The following ROCK1 variants were observed in gnomAD, a reference collection of about 807,000 sequenced individuals.
ROCK1 encodes rho-associated protein kinase 1.
A neutral mutation model predicts 196.8 loss-of-function variants in ROCK1; 36 were observed. The ratio of observed to expected loss-of-function variants is 0.18; its 90% CI spans 0.14 to 0.24. ROCK1 has a LOEUF of 0.24. ROCK1 is among the 10% of genes least tolerant of loss of function. The probability of loss-of-function intolerance (pLI) is 1.00; values close to 1 mark genes in which losing one functional copy is unlikely to be tolerated. For synonymous variants in ROCK1, 443 were observed against 515.9 expected (o/e 0.86, Z 1.91); for missense variants, 920 against 1,562.0 (o/e 0.59, Z 6.93).
At chr18:21,097,112 CCAGTAGAGCG>C (rs1350189260) in intron 1 of ROCK1, among the ~76,000 whole-genome samples, 1 of 152,038 alleles carries the variant, frequency 6.6e-6, no homozygotes, top group Non-Finnish European at 1.5e-5. Context: ...GCAAGAAAAT[CCAGTAGAGCG>C]CAGTCTATTT....
chr18:21,088,494 T>C (rs1394409890), intron 1 of ROCK1, among the ~76,000 whole-genome samples: 1 of 152,214 alleles, frequency 6.6e-6, no homozygotes, highest in Admixed American at 6.5e-5. Flanking sequence ...AGTGAGACCC[T>C]GTCTTAAAAT....
rs117706816 is a variant in ROCK1 at position 20,997,142 on chromosome 18, G to A, written c.1886-4205C>T. ...TGCAGATGAACTAAACTGCCCAATC[G>A]AAAGACATGGAGTGGCTGAATGGAC... On this transcript the variant is annotated intron_variant, in intron 16 of 32. Coordinates refer to ENST00000399799, the MANE Select transcript of ROCK1 (RefSeq NM_005406.3). 4.8e-4 allele frequency among the ~76,000 whole-genome samples: 73 copies of A among 152,020 alleles called. No individual in the cohort carries two copies. In the East Asian group the frequency reaches 0.013, roughly 27 times the overall value.
chr18:21,092,309 G>A (rs994857988), intron 1 of ROCK1, among the ~76,000 whole-genome samples: 8 of 151,796 alleles, frequency 5.3e-5, no homozygotes, highest in African/African-American at 7.3e-5. Context: ...AAACAAAACC[G>A]GCCAGGCACT....
intron 29 of ROCK1, among the ~76,000 whole-genome samples, chr18:20,959,086 T>TATATAATATATATATAATATTATATATA (rs1568367368): frequency 2.0e-4 from 6 of 29,804 alleles, no homozygotes; most frequent in African/African-American, 1.5e-3. Context: ...ATATATATAT[T>TATATAATATATATATAATATTATATATA]TTATATAATA....
intron 1 of ROCK1, among the ~76,000 whole-genome samples, chr18:21,090,859 T>A (rs1181738923): frequency 4.2e-5 from 2 of 48,182 alleles, no homozygotes; most frequent in Admixed American, 1.8e-4. Context: ...AGCATCAGTA[T>A]CTCAAAGTAC....
chr18:20,956,418 A>G (rs2035242761), intron 29 of ROCK1, among the ~76,000 whole-genome samples: 1 of 152,126 alleles, frequency 6.6e-6, no homozygotes. Context: ...GCCTAACTAC[A>G]TTTTCAATCC....
intron 22 of ROCK1, among the ~76,000 whole-genome samples, chr18:20,970,781 T>C (rs1045487954): frequency 3.3e-5 from 5 of 152,234 alleles, no homozygotes; most frequent in African/African-American, 1.2e-4. Flanking sequence ...TAGTCTGCTT[T>C]TGAAAAGAAA....
At chr18:20,952,491 T>TA (rs1156771634) in intron 32 of ROCK1, among the ~76,000 whole-genome samples, 2 of 151,954 alleles carry the variant, frequency 1.3e-5, no homozygotes, top group Non-Finnish European at 2.9e-5. Flanking sequence ...CAAAAATAGT[T>TA]AAACAGCCAG....
At chr18:21,075,602 C>T (rs867913604) in intron 1 of ROCK1, among the ~76,000 whole-genome samples, 7 of 152,036 alleles carry the variant, frequency 4.6e-5, no homozygotes, top group African/African-American at 1.7e-4. Flanking sequence ...CAAGAATAAA[C>T]AGGGAGAGTA....
At chr18:21,012,858 T>A (rs1420999914) in intron 13 of ROCK1, among the ~76,000 whole-genome samples, 2 of 152,214 alleles carry the variant, frequency 1.3e-5, no homozygotes, top group African/African-American at 2.4e-5. Context: ...CTGCATAATT[T>A]CTATTTTTCT....
intron 9 of ROCK1, among the ~76,000 whole-genome samples, chr18:21,038,193 C>T (rs1041482698): frequency 1.3e-5 from 2 of 152,092 alleles, no homozygotes; most frequent in African/African-American, 2.4e-5. Flanking sequence ...ACTCCCTGAT[C>T]ATCTCTTTGT....
chr18:21,077,594 G>T (rs1039594844), intron 1 of ROCK1, among the ~76,000 whole-genome samples: 1 of 92,130 alleles, frequency 1.1e-5, no homozygotes, highest in African/African-American at 4.2e-5. Flanking sequence ...TAGGCCCAGA[G>T]GAGAAGTGGG....
chr18:21,059,089 A>AAT (rs958210457), intron 2 of ROCK1, among the ~76,000 whole-genome samples: 7 of 152,008 alleles, frequency 4.6e-5, no homozygotes, highest in Non-Finnish European at 1.0e-4. Flanking sequence ...ATGGCAAAAA[A>AAT]ATATATATAT....
intron 12 of ROCK1, among the ~76,000 whole-genome samples, chr18:21,019,043 T>C (rs1209670746): frequency 6.6e-6 from 1 of 152,244 alleles, no homozygotes; most frequent in East Asian, 1.9e-4. Context: ...GTTACTGCTC[T>C]GGTGAACCAC....
At chr18:21,002,345 T>TC (rs1298230543) in intron 16 of ROCK1, among the ~76,000 whole-genome samples, 1 of 152,080 alleles carries the variant, frequency 6.6e-6, no homozygotes, top group Non-Finnish European at 1.5e-5. Flanking sequence ...CTTAAAGAAT[T>TC]CCTACTAAAC....
chr18:21,096,398 A>G (rs1461372838), intron 1 of ROCK1, among the ~76,000 whole-genome samples: 1 of 151,964 alleles, frequency 6.6e-6, no homozygotes, highest in Non-Finnish European at 1.5e-5. Context: ...ACAGGGTTTC[A>G]CCACATTGGC....
At chr18:21,095,657 A>G (rs2036606876) in intron 1 of ROCK1, among the ~76,000 whole-genome samples, 1 of 151,968 alleles carries the variant, frequency 6.6e-6, no homozygotes, top group African/African-American at 2.4e-5. Flanking sequence ...ACTCAAAACA[A>G]TTCAACTCAT....
intron 12 of ROCK1, among the ~76,000 whole-genome samples, chr18:21,018,761 T>C (rs2143459809): frequency 6.6e-6 from 1 of 152,322 alleles, no homozygotes; most frequent in Admixed American, 6.5e-5. Flanking sequence ...ATCTGTTTTG[T>C]ACCAAACCCC....
At chr18:20,954,759 G>A (rs1273002673) in intron 31 of ROCK1, 24 bp downstream of exon 31, 1 of 1,555,062 alleles carries the variant, frequency 6.4e-7, no homozygotes, top group South Asian at 1.2e-5. Context: ...GTTATAAGTT[G>A]TAACAATAAT....
Sources: gnomAD v4.1 joint callset for allele counts (sites outside exome capture counted in the v4.1 genomes callset) on GRCh38, gnomAD v4.1.1 for gene constraint, MANE v1.5 for transcripts, NCBI Gene and HGNC (gene_info 2026-07-23, HGNC 2026-07-21) for gene names.